Variants in PUDP observed in about 807,000 individuals in gnomAD.
PUDP encodes pseudouridine 5'-phosphatase, also known as pseudouridine-5'-phosphatase.
Under a neutral mutation model 9.4 loss-of-function variants are expected in PUDP, and 8 were observed. The observed-to-expected ratio is 0.85, with a 90% confidence interval of 0.50 to 1.53. The LOEUF (loss-of-function observed/expected upper bound fraction) is 1.53, where lower values mean the gene tolerates loss of function less well. Among genes scored for constraint, PUDP ranks in the 40% most tolerant of loss-of-function variants. PUDP has a pLI of 0.00. For missense variants in PUDP, 188 were observed against 189.7 expected (o/e 0.99, Z 0.05); for synonymous variants, 99 against 80.7 (o/e 1.23, Z -1.22).
intron 3 of PUDP, among the ~76,000 whole-genome samples, chrX:6,805,616 C>A (rs759941986): frequency 9.1e-6 from 1 of 110,317 alleles, no homozygotes; most frequent in African/African-American, 3.3e-5. Flanking sequence ...ACCTTCCAGG[C>A]ACAAGTAATC....
intron 2 of PUDP, chrX:7,084,829 T>A (rs1437990635): frequency 8.9e-6 from 1 of 112,172 alleles, no homozygotes; most frequent in Non-Finnish European, 1.9e-5. Flanking sequence ...GTATACATAC[T>A]TCAAAACACG....
At chrX:6,711,458 C>T (rs1445395108) in intron 1 of PUDP, among the ~76,000 whole-genome samples, 1 of 110,976 alleles carries the variant, frequency 9.0e-6, no homozygotes, top group Non-Finnish European at 1.9e-5. Flanking sequence ...GATTTCTTTA[C>T]GGCCAGTTTT....
At chrX:7,094,353 A>ATTT (rs57548230) in intron 2 of PUDP, among the ~76,000 whole-genome samples, 1 of 73,465 alleles carries the variant, frequency 1.4e-5, no homozygotes, top group African/African-American at 5.5e-5. Flanking sequence ...GAATAAGCTG[A>ATTT]TTTTTTTTTT....
intron 3 of PUDP, among the ~76,000 whole-genome samples, chrX:6,775,761 C>T (rs1289881023): frequency 1.8e-5 from 2 of 110,637 alleles, no homozygotes; most frequent in African/African-American, 3.3e-5. Flanking sequence ...ATGAAAAAGG[C>T]CCCAGAGAGC....
intron 3 of PUDP, among the ~76,000 whole-genome samples, chrX:6,767,181 T>C: frequency 8.8e-6 from 1 of 113,181 alleles, no homozygotes; most frequent in Middle Eastern, 4.6e-3. Context: ...AATTATTTAG[T>C]GGAATTATTT....
At chrX:7,143,584 T>C (rs1932818426) in intron 1 of PUDP, among the ~76,000 whole-genome samples, 1 of 111,921 alleles carries the variant, frequency 8.9e-6, no homozygotes, top group Non-Finnish European at 1.9e-5. Flanking sequence ...AACCACTTAC[T>C]ACAAGAACTT....
chrX:6,935,260 G>T (rs1190959856), intron 3 of PUDP, among the ~76,000 whole-genome samples: 1 of 95,287 alleles, frequency 1.0e-5, no homozygotes, highest in Non-Finnish European at 2.1e-5. Flanking sequence ...AAATGTAAAA[G>T]AACAGAAATT....
At chrX:7,145,717 C>G (rs924370834) in intron 1 of PUDP, among the ~76,000 whole-genome samples, 1 of 110,626 alleles carries the variant, frequency 9.0e-6, no homozygotes, top group Admixed American at 9.7e-5. Flanking sequence ...CTTCCTCATT[C>G]TCCTCTGATT....
chrX:6,873,030 G>C (rs775110559), intron 3 of PUDP, among the ~76,000 whole-genome samples: 3 of 107,201 alleles, frequency 2.8e-5, no homozygotes, highest in Admixed American at 1.0e-4. Flanking sequence ...AACATTCTAA[G>C]TTCATAAGAA....
In PUDP at chrX:7,049,949, T is replaced by G; in HGVS notation, c.*347A>C. On this transcript the variant is annotated 3_prime_UTR_variant, in exon 4 of 4. Coordinates refer to ENST00000381077, the MANE Select transcript of PUDP (RefSeq NM_012080.5). Reference sequence around the variant, plus strand: ...CATATGCATGTAATGCCTACCTGCATATTACCAAACTGATACACACATGTA... The same window carrying G: ...CATATGCATGTAATGCCTACCTGCAGATTACCAAACTGATACACACATGTA... The G allele has an allele frequency of 5.8e-6, 1 of 171,768 alleles. No homozygotes were observed. The allele number at this position is 171,768 out of a possible 1,213,427, so 14.2% of individuals were successfully genotyped here. A position where few individuals can be genotyped will look rare whatever the true frequency, so the allele number is the denominator to read the frequency against.
chrX:7,132,453 T>A (rs1287893643), intron 1 of PUDP, among the ~76,000 whole-genome samples: 1 of 111,638 alleles, frequency 9.0e-6, no homozygotes, highest in Non-Finnish European at 1.9e-5. Flanking sequence ...TGGGCAACTT[T>A]ACAGGCTTTT....
intron 1 of PUDP, among the ~76,000 whole-genome samples, chrX:7,141,032 C>A (rs1272320041): frequency 9.0e-6 from 1 of 111,619 alleles, no homozygotes; most frequent in Non-Finnish European, 1.9e-5. Context: ...GCTCCATAGA[C>A]CCCCATCTCT....
At position 7,049,178 on chromosome X, in the gene PUDP, C is replaced by T. The variant is rs751686739; in HGVS notation, c.*1118G>A. 3 of 112,127 alleles carry T rather than the reference C, an allele frequency of 2.7e-5. No homozygotes were observed. Among genetic ancestry groups the T allele is most frequent in the African/African-American group, 9.7e-5 (3 of 30,890 alleles). 9.2% of individuals were successfully genotyped at this position (112,127 alleles called of 1,213,427 possible). On this transcript the variant is annotated 3_prime_UTR_variant, in exon 4 of 4. Transcript: ENST00000381077. Reference sequence around the variant, plus strand: ...GAGCTGAAGAGTAGCTCAAGGACATCAAAGGGCAGAGGCCCCTAGGAAGGG... The same window carrying T: ...GAGCTGAAGAGTAGCTCAAGGACATTAAAGGGCAGAGGCCCCTAGGAAGGG...
chrX:7,086,325 T>C (rs1250945992), intron 2 of PUDP, among the ~76,000 whole-genome samples: 1 of 112,728 alleles, frequency 8.9e-6, no homozygotes, highest in African/African-American at 3.2e-5. Flanking sequence ...CACATTCATA[T>C]ATATAGTTTT....
chrX:6,790,224 A>G (rs1925723221), intron 3 of PUDP, among the ~76,000 whole-genome samples: 1 of 111,640 alleles, frequency 9.0e-6, no homozygotes, highest in African/African-American at 3.3e-5. Context: ...GGATAGAATG[A>G]TGGATATGAT....
At chrX:6,756,454 C>T (rs1356320935) in intron 3 of PUDP, among the ~76,000 whole-genome samples, 1 of 112,369 alleles carries the variant, frequency 8.9e-6, no homozygotes, top group Non-Finnish European at 1.9e-5. Flanking sequence ...CTAATGGGCA[C>T]AGGCCTTCTT....
At chrX:7,002,942 G>C (rs1422398696) in intron 1 of PUDP, among the ~76,000 whole-genome samples, 1 of 109,984 alleles carries the variant, frequency 9.1e-6, no homozygotes, top group East Asian at 2.9e-4. Flanking sequence ...GGCAACCTCT[G>C]CCCTCTGCAA....
At chrX:7,030,538 T>A (rs1408102483) in intron 1 of PUDP, among the ~76,000 whole-genome samples, 1 of 111,337 alleles carries the variant, frequency 9.0e-6, no homozygotes, top group Non-Finnish European at 1.9e-5. Context: ...GCTCAGGTCA[T>A]CTTGTGGGAT....
intron 3 of PUDP, among the ~76,000 whole-genome samples, chrX:6,948,418 C>T (rs6638643): frequency 0.21 from 23,459 of 111,163 alleles, 1,969 homozygotes; most frequent in Admixed American, 0.36. Flanking sequence ...CTTTTGCTCG[C>T]TTCCCATTTT....
Sources: gnomAD v4.1 joint callset for allele counts (sites outside exome capture counted in the v4.1 genomes callset) on GRCh38, gnomAD v4.1.1 for gene constraint, MANE v1.5 for transcripts, NCBI Gene and HGNC (gene_info 2026-07-23, HGNC 2026-07-21) for gene names.